Variants in ACOX3 observed in about 807,000 individuals in gnomAD.
The protein encoded by ACOX3 is peroxisomal acyl-coenzyme A oxidase 3.
In ACOX3, 73 loss-of-function variants were observed where a neutral mutation model predicts 81.5. That is an observed-to-expected ratio of 0.90 (90% CI 0.74 to 1.09). The LOEUF (loss-of-function observed/expected upper bound fraction) is 1.09, where lower values mean the gene tolerates loss of function less well. Ranked by LOEUF, ACOX3 falls within the 50% of genes least tolerant of loss-of-function variation. The probability of loss-of-function intolerance (pLI) is 0.00; values close to 1 mark genes in which losing one functional copy is unlikely to be tolerated. For missense variants in ACOX3, 947 were observed against 928.0 expected, an observed-to-expected ratio of 1.02 and a Z score of -0.27; for synonymous variants, 387 against 375.1, an observed-to-expected ratio of 1.03 and a Z score of -0.37.
intron 11 of ACOX3, among the ~76,000 whole-genome samples, chr4:8,391,840 C>A (rs528365543): frequency 6.6e-5 from 10 of 152,356 alleles, no homozygotes; most frequent in Admixed American, 6.5e-4. Context: ...ATAACAGCTG[C>A]CTCAGTCATC....
At position 8,384,991 on chromosome 4, in the gene ACOX3, AG is replaced by A. The variant is rs1049609455; in HGVS notation, c.1538-3385del. Among the ~76,000 whole-genome samples the A allele has an allele frequency of 1.3e-5, 2 of 152,136 alleles. No individual in the cohort carries two copies. The highest frequency in any genetic ancestry group is 2.4e-5 in the African/African-American group (1 of 41,426). On this transcript the variant is annotated intron_variant, in intron 13 of 17. Transcript: ENST00000356406. The surrounding 1 kb of genome is among the most constrained non-coding windows in gnomAD (Gnocchi z 5.3). ...ACCTCACCTGCATCTGTTGTTTCCA[AG>A]GAAGTGTTCAGGACTGTGGCCCCCC...
At chr4:8,393,955 C>T (rs1036491196) in intron 10 of ACOX3, among the ~76,000 whole-genome samples, 1 of 152,194 alleles carries the variant, frequency 6.6e-6, no homozygotes, top group Non-Finnish European at 1.5e-5. Flanking sequence ...ATCCCTTCGC[C>T]ATCATCTGCC....
chr4:8,362,259 T>A (rs1432338321), downstream of ACOX3, among the ~76,000 whole-genome samples: 1 of 152,226 alleles, frequency 6.6e-6, no homozygotes, highest in Non-Finnish European at 1.5e-5. Context: ...TTAACTAAAT[T>A]AACTGAACCA....
rs753581748 is a variant in ACOX3 at position 8,375,020 on chromosome 4, C to T, written c.1786G>A (p.Ala596Thr). 2.6e-6 allele frequency: 4 copies of T among 1,553,212 alleles called. No homozygotes were observed. Among genetic ancestry groups the T allele is most frequent in the South Asian group, 2.4e-5 (2 of 84,408 alleles). ...GCGTGGCGGCTCAGGGACCACAGGG[C>T]GTACAGAGCACTGAGCCGCCCCAGC... is the stretch of plus-strand genomic sequence containing the variant. Reference protein sequence around the residue: ...AVLGRLSALYALWSLSRHAAL... With the variant: ...AVLGRLSALYTLWSLSRHAAL... The change falls in exon 15 of 18, where the codon GCC becomes ACC. Residue 596 changes from alanine to threonine, a missense_variant. Physicochemically the swap from Ala to Thr is moderately conservative, Grantham distance 58. Transcript: ENST00000356406.
the ACOX3 span, chr4:8,355,366 C>T: frequency 2.0e-5 from 3 of 152,114 alleles, no homozygotes; most frequent in African/African-American, 7.2e-5. Context: ...AGTATGAGAA[C>T]CACAACCATG....
intron 1 of ACOX3, among the ~76,000 whole-genome samples, chr4:8,428,892 T>C (rs1472783956): frequency 1.3e-5 from 2 of 152,140 alleles, no homozygotes; most frequent in African/African-American, 2.4e-5. Context: ...CTGGGCAACA[T>C]AGTAAGACCC....
At chr4:8,374,591 G>T in intron 15 of ACOX3, 1 of 189,606 alleles carries the variant, frequency 5.3e-6, no homozygotes, top group Non-Finnish European at 1.1e-5. Context: ...ATCAGCCCCA[G>T]CACCCCCTCC....
intron 14 of ACOX3, among the ~76,000 whole-genome samples, chr4:8,378,560 G>A (rs111777280): frequency 2.7e-5 from 4 of 150,480 alleles, no homozygotes; most frequent in Non-Finnish European, 4.4e-5. Context: ...GGACGCCACC[G>A]CCCATCTTTT....
chr4:8,435,378 C>G (rs373067105), intron 1 of ACOX3, among the ~76,000 whole-genome samples: 1 of 152,170 alleles, frequency 6.6e-6, no homozygotes, highest in Non-Finnish European at 1.5e-5. Flanking sequence ...CACCTGTAGT[C>G]CCAGCTACTC....
At position 8,368,115 on chromosome 4, in the gene ACOX3, C is replaced by T. The variant is rs576129598; in HGVS notation, c.1984-1035G>A. On this transcript the variant is annotated intron_variant, in intron 17 of 17. Transcript: ENST00000356406. The surrounding 1 kb of genome is among the most constrained non-coding windows in gnomAD (Gnocchi z 5.9). ...TGAAATCTGCTCTCACACCCCAGGC[C>T]GCTACAGGCCGCACAGGTGGCACGT... Among the ~76,000 whole-genome samples, 3 of 152,366 alleles carry T rather than the reference C, an allele frequency of 2.0e-5. No individual in the cohort carries two copies. Among genetic ancestry groups the T allele is most frequent in the South Asian group, 2.1e-4 (1 of 4,832 alleles).
intron 15 of ACOX3, 179 bp downstream of exon 15, chr4:8,374,799 C>T: frequency 3.1e-6 from 2 of 636,348 alleles, no homozygotes; most frequent in Non-Finnish European, 2.4e-6. Context: ...CACCCTGACG[C>T]TGCTCTGCCC....
intron 6 of ACOX3, among the ~76,000 whole-genome samples, chr4:8,408,368 G>A (rs769523381): frequency 1.6e-4 from 25 of 152,038 alleles, no homozygotes; most frequent in Non-Finnish European, 2.9e-4. Context: ...ATAACCCCAA[G>A]ACCACTGTTT....
rs1025165559 is a variant in ACOX3 at position 8,419,320 on chromosome 4, C to A, written c.-14-2785G>T. Among the ~76,000 whole-genome samples, 2 of 151,678 alleles carry A rather than the reference C, an allele frequency of 1.3e-5. No homozygotes were observed. Among genetic ancestry groups the A allele is most frequent in the Non-Finnish European group, 2.9e-5 (2 of 67,950 alleles). ...GCATGGTGGCAGGTGCCTATAGTCC[C>A]AGCTACTTGGGAGGCTGAGGCAGAG... On this transcript the variant is annotated intron_variant, in intron 1 of 17. Coordinates refer to ENST00000356406, the MANE Select transcript of ACOX3 (RefSeq NM_003501.3). The surrounding 1 kb of genome is among the most constrained non-coding windows in gnomAD (Gnocchi z 4.2).
chr4:8,393,069 G>A (rs1719195051), intron 10 of ACOX3: 1 of 151,964 alleles, frequency 6.6e-6, no homozygotes, highest in East Asian at 1.9e-4. Flanking sequence ...AAGCAGGGTC[G>A]GGCGTGGTTA....
rs1025683438 is a variant in ACOX3 at position 8,399,165 on chromosome 4, C to T, written c.873+391G>A. ...GGACCACGGTCTCTCTTCTGCTCTC[C>T]GTGAACTTAAGCCAGGCGTGAGTTC... On this transcript the variant is annotated intron_variant, in intron 8 of 17. Coordinates refer to ENST00000356406, the MANE Select transcript of ACOX3 (RefSeq NM_003501.3). The surrounding 1 kb of genome is among the most constrained non-coding windows in gnomAD (Gnocchi z 4.9). 6.6e-6 allele frequency among the ~76,000 whole-genome samples: 1 copy of T among 152,196 alleles called. No individual in the cohort carries two copies. The highest frequency in any genetic ancestry group is 6.5e-5 in the Admixed American group (1 of 15,274).
rs532868233 is a variant in ACOX3, at chr4:8,381,644, T to A, written c.1538-37A>T. ...CAAACAGAAGGAGAAAAAGTAACAA[T>A]AGAGAACACAGCATTTGTCACAACT... On this transcript the variant is annotated intron_variant, in intron 13 of 17. Coordinates refer to ENST00000356406, the MANE Select transcript of ACOX3 (RefSeq NM_003501.3). The surrounding 1 kb of genome is among the most constrained non-coding windows in gnomAD (Gnocchi z 4.3). 3.4e-6 allele frequency: 5 copies of A among 1,490,312 alleles called. No homozygotes were observed. In the African/African-American group the frequency reaches 5.5e-5, roughly 16 times the overall value. 92.3% of individuals were successfully genotyped at this position (1,490,312 alleles called of 1,614,324 possible). A position where few individuals can be genotyped will look rare whatever the true frequency, so the allele number is the denominator to read the frequency against.
At position 8,381,391 on chromosome 4, in the gene ACOX3, C is replaced by G; in HGVS notation, c.1653+101G>C. On this transcript the variant is annotated intron_variant, in intron 14 of 17. Transcript: ENST00000356406. The surrounding 1 kb of genome is among the most constrained non-coding windows in gnomAD (Gnocchi z 4.3). ...GCCCAAGGTCACGGGAGCTCGGGGT[C>G]TGGGGCCTGAATTGCCAGGATGTTC... 9.4e-7 allele frequency: 1 copy of G among 1,059,828 alleles called. No homozygotes were observed. Among genetic ancestry groups the G allele is most frequent in the Non-Finnish European group, 1.4e-6 (1 of 708,414 alleles). The allele number at this position is 1,059,828 out of a possible 1,614,324, so 65.7% of individuals were successfully genotyped here.
Position 8,388,544 on chromosome 4 carries a change from C to A in ACOX3, c.1537+629G>T, listed in dbSNP as rs527416514. Reference sequence around the variant, plus strand: ...CCTCATTCCCAGCTCTCGCTCCCACCTCTCTGAGCCACAGACCCCGTGTGG... The same window carrying A: ...CCTCATTCCCAGCTCTCGCTCCCACATCTCTGAGCCACAGACCCCGTGTGG... On this transcript the variant is annotated intron_variant, in intron 13 of 17. Coordinates refer to ENST00000356406, the MANE Select transcript of ACOX3 (RefSeq NM_003501.3). Among the ~76,000 whole-genome samples the A allele has an allele frequency of 4.2e-4, 64 of 152,362 alleles. 1 individual carries two copies. The highest frequency in any genetic ancestry group is 1.5e-3 in the African/African-American group (64 of 41,590).
rs1459848070 is a variant in ACOX3 at position 8,385,927 on chromosome 4, A to G, written c.1537+3246T>C. 2.6e-5 allele frequency among the ~76,000 whole-genome samples: 4 copies of G among 152,238 alleles called. No homozygotes were observed. Among genetic ancestry groups the G allele is most frequent in the African/African-American group, 9.6e-5 (4 of 41,460 alleles). On this transcript the variant is annotated intron_variant, in intron 13 of 17. Coordinates refer to ENST00000356406, the MANE Select transcript of ACOX3 (RefSeq NM_003501.3). This position sits in a 1 kb window ranked among gnomAD's most constrained non-coding sequence, Gnocchi z 5.5. Reference sequence around the variant, plus strand: ...GAGGGATAATGGCGGTCTCTCTCCCATACCACTTTGAACAAGTGAAAGCCA... The same window carrying G: ...GAGGGATAATGGCGGTCTCTCTCCCGTACCACTTTGAACAAGTGAAAGCCA...
Sources: gnomAD v4.1 joint callset for allele counts (sites outside exome capture counted in the v4.1 genomes callset) on GRCh38, gnomAD v4.1.1 for gene constraint, Gnocchi (gnomAD v3.1) non-coding constraint, MANE v1.5 for transcripts, NCBI Gene and HGNC (gene_info 2026-07-23, HGNC 2026-07-21) for gene names.